The following NAALADL2 variants were observed in gnomAD, a reference collection of about 807,000 sequenced individuals.
The protein encoded by NAALADL2 is inactive N-acetylated-alpha-linked acidic dipeptidase-like protein 2.
A neutral mutation model predicts 87.2 loss-of-function variants in NAALADL2; 76 were observed. The ratio of observed to expected loss-of-function variants is 0.87; its 90% CI spans 0.72 to 1.05. NAALADL2 has a LOEUF of 1.05. NAALADL2 is among the 50% of genes least tolerant of loss of function. The pLI, the probability that NAALADL2 is intolerant of heterozygous loss-of-function variation, is 0.00. For missense variants in NAALADL2, 1,089 were observed against 945.8 expected (o/e 1.15, Z -1.99); for synonymous variants, 354 against 331.0 (o/e 1.07, Z -0.75).
At chr3:175,347,573 C>T (rs762220994) in intron 5 of NAALADL2, among the ~76,000 whole-genome samples, 1 of 151,950 alleles carries the variant, frequency 6.6e-6, no homozygotes, top group Non-Finnish European at 1.5e-5. Context: ...ACCCCGTCAC[C>T]ACCCCCCAAA....
intron 11 of NAALADL2, among the ~76,000 whole-genome samples, chr3:175,638,082 T>A (rs1728789349): frequency 6.6e-6 from 1 of 152,228 alleles, no homozygotes; most frequent in Non-Finnish European, 1.5e-5. Context: ...AAAAAAGTTT[T>A]GTAAAATAGA....
chr3:174,857,779 A>G (rs1420146388), upstream of NAALADL2, among the ~76,000 whole-genome samples: 2 of 152,096 alleles, frequency 1.3e-5, no homozygotes, highest in Non-Finnish European at 1.5e-5. Flanking sequence ...CATTATAAAG[A>G]GAGAATGGGT....
At chr3:175,544,006 C>T (rs1416925539) in intron 9 of NAALADL2, among the ~76,000 whole-genome samples, 2 of 152,100 alleles carry the variant, frequency 1.3e-5, no homozygotes, top group Admixed American at 6.6e-5. Flanking sequence ...CTTCTCAGAA[C>T]ATAAAAGCAT....
At chr3:175,715,571 A>G (rs770803748) in intron 11 of NAALADL2, among the ~76,000 whole-genome samples, 4 of 152,244 alleles carry the variant, frequency 2.6e-5, no homozygotes, top group Non-Finnish European at 5.9e-5. Flanking sequence ...AATTAAACAA[A>G]TGACTATAAG....
chr3:175,308,360 G>C (rs764058684), intron 4 of NAALADL2, among the ~76,000 whole-genome samples: 1 of 152,104 alleles, frequency 6.6e-6, no homozygotes, highest in South Asian at 2.1e-4. Flanking sequence ...GCACTCAGAC[G>C]TTAAACTGCG....
intron 3 of NAALADL2, among the ~76,000 whole-genome samples, chr3:174,850,960 C>A (rs962610574): frequency 6.6e-6 from 1 of 151,990 alleles, no homozygotes; most frequent in Admixed American, 6.6e-5. Context: ...ACCAGAGAAA[C>A]TTTGGAAACT....
intron 1 of NAALADL2, among the ~76,000 whole-genome samples, chr3:174,882,849 GTGTA>G (rs1729576587): frequency 7.2e-6 from 1 of 139,708 alleles, no homozygotes; most frequent in Admixed American, 7.0e-5. Flanking sequence ...ATGTGCATAT[GTGTA>G]TATATACATA....
chr3:174,842,482 G>A (rs1273907472), intron 3 of NAALADL2, among the ~76,000 whole-genome samples: 1 of 152,074 alleles, frequency 6.6e-6, no homozygotes, highest in Non-Finnish European at 1.5e-5. Context: ...AACTTACAGT[G>A]GACTTACATG....
chr3:174,828,412 GTGT>G (rs1270333026), intron 3 of NAALADL2, among the ~76,000 whole-genome samples: 1 of 152,162 alleles, frequency 6.6e-6, no homozygotes, highest in African/African-American at 2.4e-5. Flanking sequence ...CATCATAGAG[GTGT>G]TGTTCTCACA....
At chr3:175,349,108 C>T (rs1763461696) in intron 5 of NAALADL2, among the ~76,000 whole-genome samples, 1 of 150,028 alleles carries the variant, frequency 6.7e-6, no homozygotes, top group South Asian at 2.1e-4. Flanking sequence ...ATAGGGGTGA[C>T]TGAAAACATG....
chr3:174,993,407 C>T (rs1021788890), intron 1 of NAALADL2, among the ~76,000 whole-genome samples: 5 of 152,026 alleles, frequency 3.3e-5, no homozygotes, highest in African/African-American at 1.2e-4. Flanking sequence ...AGTACCTGTA[C>T]TCATGGAGCC....
chr3:175,100,972 G>A (rs533619462), intron 2 of NAALADL2, among the ~76,000 whole-genome samples: 1 of 152,040 alleles, frequency 6.6e-6, no homozygotes, highest in Non-Finnish European at 1.5e-5. Flanking sequence ...GGAGAAGCTT[G>A]AGGTGTGTTC....
intron 5 of NAALADL2, among the ~76,000 whole-genome samples, chr3:175,330,589 G>A (rs915097483): frequency 4.0e-5 from 6 of 151,894 alleles, no homozygotes; most frequent in Admixed American, 3.3e-4. Context: ...GGTTAAGGAG[G>A]GAAAAAATAT....
rs760667809 is a variant in NAALADL2 at position 175,737,303 on chromosome 3, C to T, written c.1897-3C>T. 107 of 1,576,622 alleles carry T rather than the reference C, an allele frequency of 6.8e-5. 1 individual carries two copies. The Admixed American group carries it at 1.8e-3, about 27-fold the overall frequency. On this transcript the variant is annotated splice_region_variant and splice_polypyrimidine_tract_variant and intron_variant, in intron 11 of 13. Transcript: ENST00000454872. ...GTATTTTCTTTTTCCTTTTTTCTTT[C>T]AGCTCTCAGGAGAAGTGATTTTGCA... is the stretch of plus-strand genomic sequence containing the variant.
intron 2 of NAALADL2, among the ~76,000 whole-genome samples, chr3:174,616,986 G>T (rs892947665): frequency 2.6e-5 from 4 of 151,588 alleles, no homozygotes; most frequent in Non-Finnish European, 5.9e-5. Flanking sequence ...AAGCATAGTT[G>T]GTCTTAATAC....
intron 10 of NAALADL2, among the ~76,000 whole-genome samples, chr3:175,579,452 C>T (rs73169497): frequency 0.13 from 19,320 of 152,196 alleles, 1,381 homozygotes; most frequent in Middle Eastern, 0.17. Context: ...TGGATGCAAA[C>T]ACATTGCATA....
At chr3:174,673,233 G>A (rs942174109) in intron 2 of NAALADL2, among the ~76,000 whole-genome samples, 11 of 151,916 alleles carry the variant, frequency 7.2e-5, no homozygotes, top group African/African-American at 2.7e-4. Context: ...AGGTCTTGGG[G>A]CTAACAGGTA....
At chr3:175,521,229 G>A (rs1230880601) in intron 9 of NAALADL2, among the ~76,000 whole-genome samples, 1 of 151,660 alleles carries the variant, frequency 6.6e-6, no homozygotes, top group East Asian at 1.9e-4. Context: ...TATTTAAAGT[G>A]AATATGATTT....
chr3:175,749,987 G>T (rs150699544), intron 12 of NAALADL2, among the ~76,000 whole-genome samples: 23 of 152,232 alleles, frequency 1.5e-4, no homozygotes, highest in African/African-American at 4.3e-4. Flanking sequence ...CACTTTAGAG[G>T]CTACTCCACA....
Sources: allele counts gnomAD v4.1 joint callset (sites outside exome capture counted in the v4.1 genomes callset), GRCh38; gene constraint gnomAD v4.1.1; transcripts MANE v1.5; gene names NCBI Gene and HGNC (gene_info 2026-07-23, HGNC 2026-07-21).